Variants in GPHN observed in about 807,000 individuals in gnomAD.
GPHN encodes gephyrin.
Under a neutral mutation model 95.5 loss-of-function variants are expected in GPHN, and 17 were observed. The observed-to-expected ratio is 0.18, with a 90% CI of 0.12 to 0.27. The LOEUF (loss-of-function observed/expected upper bound fraction) is 0.27. Among genes scored for constraint, GPHN ranks in the 10% least tolerant of loss-of-function variants. The pLI is 1.00. For missense variants in GPHN, 660 were observed against 978.1 expected (o/e 0.67, Z 4.34); for synonymous variants, 320 against 322.5 (o/e 0.99, Z 0.08).
chr14:67,662,921 A>G, the GPHN span: 2 of 1,246,216 alleles, frequency 1.6e-6, no homozygotes, highest in Non-Finnish European at 2.0e-6. Context: ...AAAAAAAAAA[A>G]GAATGTTTAC....
intron 4 of GPHN, among the ~76,000 whole-genome samples, chr14:66,875,221 A>G (rs569116716): frequency 1.3e-5 from 2 of 152,358 alleles, no homozygotes; most frequent in African/African-American, 4.8e-5. Flanking sequence ...ACAATTTGTC[A>G]TCACCAGGCC....
the GPHN span, among the ~76,000 whole-genome samples, chr14:67,359,334 G>A: frequency 6.6e-6 from 1 of 152,232 alleles, no homozygotes; most frequent in Non-Finnish European, 1.5e-5. Context: ...CGACGGTTCA[G>A]TTATATAAAT....
At chr14:66,610,510 T>C (rs143231469) in intron 1 of GPHN, among the ~76,000 whole-genome samples, 13 of 152,266 alleles carry the variant, frequency 8.5e-5, no homozygotes, top group Non-Finnish European at 1.5e-4. Context: ...CTTGGTGGCA[T>C]AGGCACTTCC....
chr14:67,325,215 C>T, the GPHN span, among the ~76,000 whole-genome samples: 1 of 152,090 alleles, frequency 6.6e-6, no homozygotes, highest in African/African-American at 2.4e-5. Context: ...TCCTTTCATT[C>T]TTGACTGTCC....
At chr14:67,583,706 A>AT in the GPHN span, 1 of 1,580,578 alleles carries the variant, frequency 6.3e-7, no homozygotes, top group Admixed American at 1.8e-5. Context: ...CCACTGTCAG[A>AT]TTTTGACTGG....
chr14:67,701,363 G>T, the GPHN span, among the ~76,000 whole-genome samples: 11 of 148,086 alleles, frequency 7.4e-5, no homozygotes, highest in African/African-American at 1.7e-4. Flanking sequence ...ACTTTTTTTT[G>T]ATTATAGCCA....
In GPHN at chr14:66,566,462, A is replaced by ACAGG. The variant is rs1381507230; in HGVS notation, c.64+57872_64+57875dup. ...AATAAAATACCGAGGAATTGTATTG[A>ACAGG]CAGGGTCTGTAACACAAAGGCAGTT... On this transcript the variant is annotated intron_variant, in intron 1 of 22. Transcript: ENST00000478722. Among the ~76,000 whole-genome samples the ACAGG allele has an allele frequency of 2.0e-5, 3 of 152,308 alleles. No homozygotes were observed. The East Asian group carries it at 5.8e-4, about 29-fold the overall frequency.
intron 4 of GPHN, among the ~76,000 whole-genome samples, chr14:66,831,010 CT>C (rs1161478915): frequency 1.3e-5 from 2 of 151,658 alleles, no homozygotes; most frequent in African/African-American, 4.8e-5. Context: ...TATTGTAATG[CT>C]TCAAAAATAA....
chr14:67,164,358 A>G (rs944603232), intron 19 of GPHN, among the ~76,000 whole-genome samples: 10 of 151,890 alleles, frequency 6.6e-5, no homozygotes, highest in Non-Finnish European at 1.5e-4. Context: ...ATGTCTTGAT[A>G]AGAGGGAAGT....
chr14:66,526,198 C>G (rs1566758018), intron 1 of GPHN, among the ~76,000 whole-genome samples: 1 of 152,126 alleles, frequency 6.6e-6, no homozygotes, highest in Non-Finnish European at 1.5e-5. Flanking sequence ...AGAGGTCCTT[C>G]ACATCCGTTG....
At chr14:67,600,808 A>G in the GPHN span, among the ~76,000 whole-genome samples, 1 of 152,008 alleles carries the variant, frequency 6.6e-6, no homozygotes, top group Non-Finnish European at 1.5e-5. Context: ...CAAACTCCTG[A>G]CCTCAGGTGA....
At chr14:67,015,782 A>G (rs972593721) in intron 9 of GPHN, among the ~76,000 whole-genome samples, 35 of 152,296 alleles carry the variant, frequency 2.3e-4, no homozygotes, top group Admixed American at 7.2e-4. Flanking sequence ...ATAAATGGTT[A>G]TGGATACATA....
chr14:66,655,695 A>G (rs777521986), intron 1 of GPHN, among the ~76,000 whole-genome samples: 9 of 151,720 alleles, frequency 5.9e-5, no homozygotes, highest in Non-Finnish European at 1.0e-4. Flanking sequence ...TGGGGAAAGC[A>G]TTCAGTCTTT....
chr14:66,977,386 G>A (rs1408854706), intron 9 of GPHN, among the ~76,000 whole-genome samples: 1 of 151,678 alleles, frequency 6.6e-6, no homozygotes, highest in Non-Finnish European at 1.5e-5. Context: ...AGCCAAGATC[G>A]CGCCATTGCA....
At chr14:67,426,577 T>G in the GPHN span, among the ~76,000 whole-genome samples, 1 of 152,058 alleles carries the variant, frequency 6.6e-6, no homozygotes, top group African/African-American at 2.4e-5. Flanking sequence ...TTTTTTGGTT[T>G]TGTTTTGTTT....
chr14:67,355,321 C>A, the GPHN span, among the ~76,000 whole-genome samples: 1 of 150,968 alleles, frequency 6.6e-6, no homozygotes, highest in African/African-American at 2.4e-5. Flanking sequence ...TTTTTTTCCC[C>A]ATCAGAAGCC....
intron 1 of GPHN, among the ~76,000 whole-genome samples, chr14:66,523,956 T>C (rs377179203): frequency 3.3e-5 from 5 of 152,212 alleles, no homozygotes; most frequent in African/African-American, 9.6e-5. Flanking sequence ...TCTTCCAGCT[T>C]AAGTTTTGGG....
chr14:67,400,339 T>G, the GPHN span, among the ~76,000 whole-genome samples: 2 of 152,256 alleles, frequency 1.3e-5, no homozygotes, highest in Non-Finnish European at 2.9e-5. Context: ...ATTTTTGCTC[T>G]CTTCACTTTG....
chr14:67,211,193 C>T, the GPHN span, among the ~76,000 whole-genome samples: 1 of 151,994 alleles, frequency 6.6e-6, no homozygotes, highest in Non-Finnish European at 1.5e-5. Context: ...ATATTAAAAC[C>T]CTCACAATAC....
Sources: gnomAD v4.1 joint callset for allele counts (sites outside exome capture counted in the v4.1 genomes callset) on GRCh38, gnomAD v4.1.1 for gene constraint, MANE v1.5 for transcripts, NCBI Gene and HGNC (gene_info 2026-07-23, HGNC 2026-07-21) for gene names.